KCNK10: variants seen among roughly 807,000 people sequenced by gnomAD.
KCNK10 encodes the protein potassium two pore domain channel subfamily K member 10, also known as potassium channel subfamily K member 10.
KCNK10 carries 25 observed loss-of-function variants against 47.7 expected under a neutral mutation model. That is an observed-to-expected ratio of 0.52 (90% confidence interval 0.38 to 0.73). KCNK10 has a LOEUF of 0.73. Ranked by LOEUF, KCNK10 falls within the 30% of genes least tolerant of loss-of-function variation. KCNK10 has a pLI of 0.00. For missense variants in KCNK10, 563 were observed against 714.5 expected, an observed-to-expected ratio of 0.79 and a Z score of 2.42; for synonymous variants, 303 against 285.6, an observed-to-expected ratio of 1.06 and a Z score of -0.61.
intron 4 of KCNK10, among the ~76,000 whole-genome samples, chr14:88,209,115 G>A (rs1039588197): frequency 9.9e-5 from 15 of 152,186 alleles, no homozygotes; most frequent in Non-Finnish European, 2.1e-4. Context: ...TTTGAGCTCA[G>A]TAAAACCCAT....
rs183204046 is a variant in KCNK10 at position 88,244,454 on chromosome 14, G to A, written c.403-3634C>T. ...GAGGCCAAGGCAGGTGGATCACAAGGTCAGGAGTTTGAGGCCATCCTGCCT... is the reference window on the plus strand; with the variant it reads ...GAGGCCAAGGCAGGTGGATCACAAGATCAGGAGTTTGAGGCCATCCTGCCT... On this transcript the variant is annotated intron_variant, in intron 2 of 6. Transcript: ENST00000319231. Among the ~76,000 whole-genome samples, 521 of 152,274 alleles carry A rather than the reference G, an allele frequency of 3.4e-3. 3 individuals carry two copies. The highest frequency in any genetic ancestry group is 0.017 in the Middle Eastern group (5 of 294).
chr14:88,212,364 C>T (rs566483074), intron 4 of KCNK10, among the ~76,000 whole-genome samples: 8 of 151,500 alleles, frequency 5.3e-5, no homozygotes, highest in Non-Finnish European at 8.8e-5. Context: ...CACTTGAACC[C>T]GGGAGGCAGA....
At chr14:88,192,434 T>TAGGC in intron 4 of KCNK10, 24 bp from the exon 5 acceptor site, 3 of 1,603,664 alleles carry the variant, frequency 1.9e-6, no homozygotes, top group Non-Finnish European at 1.7e-6. Flanking sequence ...AGGAGAAAGA[T>TAGGC]AGGCAAGTCA....
chr14:88,248,227 A>G (rs760856513), intron 2 of KCNK10, among the ~76,000 whole-genome samples: 9 of 152,224 alleles, frequency 5.9e-5, no homozygotes, highest in Non-Finnish European at 1.3e-4. Context: ...AAAAGCAGCT[A>G]CAAGAATTCT....
chr14:88,242,823 A>G (rs1020575448), intron 2 of KCNK10, among the ~76,000 whole-genome samples: 1 of 152,156 alleles, frequency 6.6e-6, no homozygotes, highest in East Asian at 1.9e-4. Context: ...TTCATTATCA[A>G]TTCAGCTCTG....
chr14:88,286,490 T>C (rs1048113650), intron 1 of KCNK10, among the ~76,000 whole-genome samples: 1 of 152,158 alleles, frequency 6.6e-6, no homozygotes, highest in Non-Finnish European at 1.5e-5. Flanking sequence ...CACTGACTAA[T>C]ACACAAGTTA....
chr14:88,187,626 C>CACCA (rs11435414), intron 6 of KCNK10, among the ~76,000 whole-genome samples: 5 of 141,036 alleles, frequency 3.5e-5, no homozygotes, highest in Non-Finnish European at 7.5e-5. Context: ...ACAGGCTGCA[C>CACCA]CCCCCCACAC....
At chr14:88,287,048 A>T (rs972873525) in intron 1 of KCNK10, among the ~76,000 whole-genome samples, 1 of 152,216 alleles carries the variant, frequency 6.6e-6, no homozygotes, top group African/African-American at 2.4e-5. Context: ...TGTAAAAATA[A>T]CTTTACAAGC....
At chr14:88,276,176 A>G (rs1417765557) in intron 1 of KCNK10, among the ~76,000 whole-genome samples, 2 of 151,652 alleles carry the variant, frequency 1.3e-5, no homozygotes, top group African/African-American at 4.9e-5. Context: ...CCTCAATGTG[A>G]CGGGATTAGG....
chr14:88,248,600 A>C (rs1886705905), intron 2 of KCNK10, among the ~76,000 whole-genome samples: 1 of 152,072 alleles, frequency 6.6e-6, no homozygotes. Context: ...ATGGTGGTGC[A>C]TGCCTGTAGT....
chr14:88,274,689 CA>C (rs1887490128), intron 1 of KCNK10, among the ~76,000 whole-genome samples: 1 of 152,022 alleles, frequency 6.6e-6, no homozygotes, highest in Non-Finnish European at 1.5e-5. Flanking sequence ...CGATTAATTC[CA>C]TATTTATCAG....
intron 1 of KCNK10, among the ~76,000 whole-genome samples, chr14:88,298,443 T>C (rs1293923300): frequency 1.3e-5 from 2 of 152,240 alleles, no homozygotes; most frequent in Admixed American, 6.5e-5. Context: ...GATCATTATC[T>C]TCTTTCCCCT....
intron 4 of KCNK10, among the ~76,000 whole-genome samples, chr14:88,194,457 C>A (rs193273532): frequency 2.0e-4 from 31 of 152,326 alleles, no homozygotes; most frequent in Admixed American, 2.0e-3. Context: ...CTCAAATATT[C>A]CTCCTCAAAT....
intron 5 of KCNK10, among the ~76,000 whole-genome samples, chr14:88,189,200 G>C (rs1320921035): frequency 6.6e-6 from 1 of 152,150 alleles, no homozygotes; most frequent in Non-Finnish European, 1.5e-5. Flanking sequence ...GGCTCCTCTC[G>C]ACAAGCTCAA....
intron 4 of KCNK10, among the ~76,000 whole-genome samples, chr14:88,197,585 A>T (rs1195280081): frequency 7.6e-6 from 1 of 132,422 alleles, no homozygotes; most frequent in Non-Finnish European, 1.6e-5. Flanking sequence ...AAAAAAAAAA[A>T]AAAAAAAAAA....
At position 88,311,909 on chromosome 14, in the gene KCNK10, G is replaced by A. The variant is rs891110145; in HGVS notation, c.52+10838C>T. 2.0e-5 allele frequency among the ~76,000 whole-genome samples: 3 copies of A among 152,182 alleles called. No homozygotes were observed. In the South Asian group the frequency reaches 6.2e-4, roughly 32 times the overall value. On this transcript the variant is annotated intron_variant, in intron 1 of 6. Coordinates refer to ENST00000319231, the MANE Select transcript of KCNK10 (RefSeq NM_138317.3). The stretch of plus-strand genomic sequence containing the variant: ...GGAAAACAACAGAACCAGAAGGGGG[G>A]CACAGTGGCGTCTTGGCATCCTGAG...
In KCNK10 at chr14:88,260,461, T is replaced by G. The variant is rs758393787; in HGVS notation, c.402+2741A>C. On this transcript the variant is annotated intron_variant, in intron 2 of 6. Transcript: ENST00000319231. The surrounding 1 kb of genome is among the most constrained non-coding windows in gnomAD (Gnocchi z 4.5). ...CTTAGTCTCAGATAGTTCTTTATAG[T>G]GAGAATGGACTAATACAGCATTCAA... Among the ~76,000 whole-genome samples the G allele has an allele frequency of 4.6e-5, 7 of 152,204 alleles. No individual in the cohort carries two copies. The highest frequency in any genetic ancestry group is 1.0e-4 in the Non-Finnish European group (7 of 68,044).
At chr14:88,298,223 A>C (rs566345719) in intron 1 of KCNK10, among the ~76,000 whole-genome samples, 2 of 152,318 alleles carry the variant, frequency 1.3e-5, no homozygotes, top group African/African-American at 4.8e-5. Flanking sequence ...ACCCTTGTAC[A>C]AGTCAAAATT....
intron 4 of KCNK10, among the ~76,000 whole-genome samples, chr14:88,223,308 CTTTTTTTT>C (rs77234836): frequency 1.5e-5 from 2 of 135,076 alleles, no homozygotes; most frequent in Non-Finnish European, 3.2e-5. Flanking sequence ...CTTTAAAAAC[CTTTTTTTT>C]TTTTTTTTGC....
Sources: allele counts gnomAD v4.1 joint callset (sites outside exome capture counted in the v4.1 genomes callset), GRCh38; gene constraint gnomAD v4.1.1; non-coding constraint Gnocchi (gnomAD v3.1); transcripts MANE v1.5; gene names NCBI Gene and HGNC (gene_info 2026-07-23, HGNC 2026-07-21).